Variants in APBA2 observed in about 807,000 individuals in gnomAD.
The protein encoded by APBA2 is amyloid-beta A4 precursor protein-binding family A member 2.
APBA2 carries 30 observed loss-of-function variants against 75.0 expected under a neutral mutation model. The ratio of observed to expected loss-of-function variants is 0.40; its 90% CI spans 0.30 to 0.54. APBA2 has a LOEUF of 0.54. Among genes scored for constraint, APBA2 ranks in the 20% least tolerant of loss-of-function variants. The probability of loss-of-function intolerance (pLI) is 0.49; values close to 1 mark genes in which losing one functional copy is unlikely to be tolerated. For missense variants in APBA2, 801 were observed against 1,016.1 expected, an observed-to-expected ratio of 0.79 and a Z score of 2.88; for synonymous variants, 444 against 409.6, an observed-to-expected ratio of 1.08 and a Z score of -1.01.
intron 2 of APBA2, among the ~76,000 whole-genome samples, chr15:28,984,192 G>T (rs549320520): frequency 6.6e-6 from 1 of 152,094 alleles, no homozygotes; most frequent in African/African-American, 2.4e-5. Flanking sequence ...GCAAGCTCTC[G>T]AGGCGTTATT....
chr15:28,927,516 T>G (rs2034334113), intron 2 of APBA2, among the ~76,000 whole-genome samples: 1 of 152,090 alleles, frequency 6.6e-6, no homozygotes, highest in Non-Finnish European at 1.5e-5. Context: ...GTTACACGTG[T>G]AACATCTTTG....
In APBA2 at chr15:28,910,010, A is replaced by G. The variant is rs142025516; in HGVS notation, c.-204-11630A>G. ...TCACCTCTCATAATGGGATGCCAAT[A>G]AATATTATCCGAAGTTGGTATACCC... is the stretch of plus-strand genomic sequence containing the variant. On this transcript the variant is annotated intron_variant, in intron 1 of 14. Transcript: ENST00000683413. Among the ~76,000 whole-genome samples, 354 of 152,276 alleles carry G rather than the reference A, an allele frequency of 2.3e-3. 2 individuals carry two copies. The highest frequency in any genetic ancestry group is 8.2e-3 in the African/African-American group (342 of 41,552).
In APBA2 at chr15:29,071,946, A is replaced by G. The variant is rs374710023; in HGVS notation, c.952-2975A>G. ...TCCCATGGGTAGGGCATGGGGGTGCAGCCATCAGTCTGTGTCCCCAGCCAA... is the reference window on the plus strand; with the variant it reads ...TCCCATGGGTAGGGCATGGGGGTGCGGCCATCAGTCTGTGTCCCCAGCCAA... On this transcript the variant is annotated intron_variant, in intron 4 of 14. Coordinates refer to ENST00000683413, the MANE Select transcript of APBA2 (RefSeq NM_001353788.2). Among the ~76,000 whole-genome samples, 125 of 152,148 alleles carry G rather than the reference A, an allele frequency of 8.2e-4. 1 individual carries two copies. The highest frequency in any genetic ancestry group is 6.6e-3 in the South Asian group (32 of 4,820).
chr15:29,114,579 T>TGC (rs769711357), intron 14 of APBA2, among the ~76,000 whole-genome samples: 1 of 149,636 alleles, frequency 6.7e-6, no homozygotes, highest in Non-Finnish European at 1.5e-5. Flanking sequence ...CGGGTGTGCG[T>TGC]GTGTGTGTGT....
At chr15:29,078,488 G>A (rs1474463414) in intron 6 of APBA2, among the ~76,000 whole-genome samples, 1 of 150,372 alleles carries the variant, frequency 6.7e-6, no homozygotes, top group Non-Finnish European at 1.5e-5. Context: ...GCGTGTGCCT[G>A]TAGTCCCAGC....
At chr15:29,107,828 A>C (rs2044509423) in intron 12 of APBA2, among the ~76,000 whole-genome samples, 1 of 152,172 alleles carries the variant, frequency 6.6e-6, no homozygotes, top group South Asian at 2.1e-4. Context: ...GCCCTGCAGG[A>C]GGTCCGTCCT....
At chr15:28,994,885 A>G (rs979994319) in intron 2 of APBA2, among the ~76,000 whole-genome samples, 1 of 152,192 alleles carries the variant, frequency 6.6e-6, no homozygotes, top group Non-Finnish European at 1.5e-5. Flanking sequence ...CCATTCGTGA[A>G]GGGCTCGCAG....
At chr15:28,968,666 A>G (rs1193607553) in intron 2 of APBA2, among the ~76,000 whole-genome samples, 4 of 152,154 alleles carry the variant, frequency 2.6e-5, no homozygotes, top group African/African-American at 9.7e-5. Flanking sequence ...CCCAAAATTC[A>G]TTTGTTGAAG....
chr15:29,007,096 A>T (rs918817702), intron 3 of APBA2, among the ~76,000 whole-genome samples: 1 of 152,258 alleles, frequency 6.6e-6, no homozygotes, highest in Non-Finnish European at 1.5e-5. Flanking sequence ...ACAGCCCCCA[A>T]GTAAACCCTG....
In APBA2 at chr15:29,038,665, ATTT is replaced by A. The variant is rs67217686; in HGVS notation, c.-40-15158_-40-15156del. ...ATTTGGCTCTGTCCTATATGCAGGC[ATTT>A]TTTTTTTTTTTTTTTTTTTTTCTGA... On this transcript the variant is annotated intron_variant, in intron 3 of 14. Coordinates refer to ENST00000683413, the MANE Select transcript of APBA2 (RefSeq NM_001353788.2). Among the ~76,000 whole-genome samples, 82 of 105,456 alleles carry A rather than the reference ATTT, an allele frequency of 7.8e-4. 1 individual carries two copies. Among genetic ancestry groups the A allele is most frequent in the East Asian group, 2.7e-3 (8 of 2,968 alleles). The allele number at this position is 105,456 out of a possible 152,430, so 69.2% of individuals were successfully genotyped here. A position where few individuals can be genotyped will look rare whatever the true frequency, so the allele number is the denominator to read the frequency against.
chr15:28,934,038 T>G, intron 2 of APBA2, among the ~76,000 whole-genome samples: 1 of 146,426 alleles, frequency 6.8e-6, no homozygotes, highest in African/African-American at 2.6e-5. Flanking sequence ...AAACAAGGCA[T>G]GGAGTGGGCA....
At chr15:28,988,522 C>T (rs2038049227) in intron 2 of APBA2, among the ~76,000 whole-genome samples, 1 of 152,146 alleles carries the variant, frequency 6.6e-6, no homozygotes, top group East Asian at 1.9e-4. Context: ...CCTTGGCCTC[C>T]CAAAATGCTA....
At chr15:29,020,886 A>G (rs2039919963) in intron 3 of APBA2, among the ~76,000 whole-genome samples, 1 of 152,166 alleles carries the variant, frequency 6.6e-6, no homozygotes, top group Non-Finnish European at 1.5e-5. Flanking sequence ...TAAAATTTAC[A>G]GTGAATATAC....
At chr15:29,020,246 C>T (rs2039883319) in intron 3 of APBA2, among the ~76,000 whole-genome samples, 1 of 150,450 alleles carries the variant, frequency 6.6e-6, no homozygotes, top group Non-Finnish European at 1.5e-5. Context: ...TTTACTTCGA[C>T]TATTTTCTTC....
intron 13 of APBA2, among the ~76,000 whole-genome samples, chr15:29,112,419 C>T (rs28732997): frequency 2.2e-4 from 33 of 152,126 alleles, no homozygotes; most frequent in Non-Finnish European, 1.6e-4. Context: ...GTGTAGGAGA[C>T]GGGGAGGCCC....
At chr15:28,977,687 C>T (rs527271692) in intron 2 of APBA2, among the ~76,000 whole-genome samples, 2 of 152,282 alleles carry the variant, frequency 1.3e-5, no homozygotes, top group East Asian at 1.9e-4. Flanking sequence ...TCCGAATTTG[C>T]GGAAAGTGAG....
At chr15:28,999,990 CAG>C (rs553263838) in intron 3 of APBA2, among the ~76,000 whole-genome samples, 106 of 152,248 alleles carry the variant, frequency 7.0e-4, no homozygotes, top group South Asian at 2.7e-3. Context: ...AGCAGTCAGG[CAG>C]AGAGTGAATT....
rs2040009961 is a variant in APBA2, at chr15:29,022,605, CATT to C, written c.-41+26802_-41+26804del. ...ATGTTACCTTTATCATATGGTAAAT[CATT>C]ATAGATGATGAGTTGTTCTGGACTG... On this transcript the variant is annotated intron_variant, in intron 3 of 14. Transcript: ENST00000683413. Among the ~76,000 whole-genome samples the C allele has an allele frequency of 3.3e-5, 5 of 151,828 alleles. No individual in the cohort carries two copies. In the South Asian group the frequency reaches 1.0e-3, roughly 32 times the overall value.
At chr15:28,959,558 C>T (rs999189492) in intron 2 of APBA2, among the ~76,000 whole-genome samples, 1 of 143,750 alleles carries the variant, frequency 7.0e-6, no homozygotes, top group Non-Finnish European at 1.5e-5. Flanking sequence ...GAGAAACCAG[C>T]CCTGCTGACA....
Sources: gnomAD v4.1 joint callset for allele counts (sites outside exome capture counted in the v4.1 genomes callset) on GRCh38, gnomAD v4.1.1 for gene constraint, MANE v1.5 for transcripts, NCBI Gene and HGNC (gene_info 2026-07-23, HGNC 2026-07-21) for gene names.